Variants in SLC38A7 observed in about 807,000 individuals in gnomAD.
The protein encoded by SLC38A7 is solute carrier family 38 member 7, also known as sodium-coupled neutral amino acid transporter 7.
A neutral mutation model predicts 50.1 loss-of-function variants in SLC38A7; 29 were observed. The ratio of observed to expected loss-of-function variants is 0.58; its 90% CI spans 0.43 to 0.79. SLC38A7 has a LOEUF of 0.79. Ranked by LOEUF, SLC38A7 falls within the 30% of genes least tolerant of loss-of-function variation. The pLI is 0.00. For missense variants in SLC38A7, 483 were observed against 610.6 expected (o/e 0.79, Z 2.20); for synonymous variants, 244 against 245.9 (o/e 0.99, Z 0.07).
chr16:58,676,421 C>T lies in SLC38A7; in HGVS notation c.711-75G>A, dbSNP rs533945736. 72 of 1,521,582 alleles carry T rather than the reference C, an allele frequency of 4.7e-5. No homozygotes were observed. In the Middle Eastern group the frequency reaches 5.2e-4, roughly 11 times the overall value. 94.3% of individuals were successfully genotyped at this position (1,521,582 alleles called of 1,614,324 possible). ...CAACCCACCCCACGCCCTCACTCTT[C>T]GGTCAGCCCACCATGGTCTCCAGCA... On this transcript the variant is annotated intron_variant, in intron 6 of 11. Transcript: ENST00000219320.
chr16:58,677,704 C>G, intron 5 of SLC38A7: 1 of 426,872 alleles, frequency 2.3e-6, no homozygotes, highest in South Asian at 2.6e-5. Context: ...GAGAGCAGAG[C>G]TCCAAAGCAC....
At chr16:58,677,053 C>T (rs186435114) in intron 6 of SLC38A7, among the ~76,000 whole-genome samples, 53 of 152,178 alleles carry the variant, frequency 3.5e-4, no homozygotes, top group African/African-American at 1.2e-3. Flanking sequence ...GGGATTCCAC[C>T]CTCAGGTTCC....
In SLC38A7 at chr16:58,669,772, C is replaced by G. The variant is rs372818423; in HGVS notation, c.1286+341G>C. On this transcript the variant is annotated intron_variant, in intron 11 of 11. Transcript: ENST00000219320. ...GGAGGATCACCTAAGGTCAGGAGTTCGAGACCGGCCTGGCCAACATGGTGA... is the reference window on the plus strand; with the variant it reads ...GGAGGATCACCTAAGGTCAGGAGTTGGAGACCGGCCTGGCCAACATGGTGA... Among the ~76,000 whole-genome samples the G allele has an allele frequency of 2.0e-5, 3 of 151,626 alleles. No individual in the cohort carries two copies. The South Asian group carries it at 6.2e-4, about 32-fold the overall frequency.
rs34081609 is a variant in SLC38A7, at chr16:58,673,083, A to ATTTTTTTTT, written c.884-849_884-841dup. Among the ~76,000 whole-genome samples, 23 of 60,390 alleles carry ATTTTTTTTT rather than the reference A, an allele frequency of 3.8e-4. 3 individuals are homozygous for ATTTTTTTTT. The highest frequency in any genetic ancestry group is 1.9e-3 in the African/African-American group (20 of 10,734). The allele number at this position is 60,390 out of a possible 152,430, so 39.6% of individuals were successfully genotyped here. On this transcript the variant is annotated intron_variant, in intron 8 of 11. Coordinates refer to ENST00000219320, the MANE Select transcript of SLC38A7 (RefSeq NM_018231.3). ...GCTGGGATTACACCATGCCCGGCTA[A>ATTTTTTTTT]TTTTTTTTTTTTTTTTTTTTTTTTT...
chr16:58,671,293 C>A (rs1426177566), intron 9 of SLC38A7, 49 bp from the exon 10 acceptor site: 1 of 1,576,224 alleles, frequency 6.3e-7, no homozygotes, highest in South Asian at 1.1e-5. Context: ...CTAGCAGCTC[C>A]CCACCTCTAG....
chr16:58,677,559 C>A, intron 5 of SLC38A7, 135 bp from the exon 6 acceptor site: 1 of 716,910 alleles, frequency 1.4e-6, no homozygotes, highest in South Asian at 1.7e-5. Context: ...CAAGCAGACT[C>A]AGGAAACGCC....
In SLC38A7 at chr16:58,679,854, C is replaced by T; in HGVS notation, c.270+3G>A. 1 of 1,613,700 alleles carries T rather than the reference C, an allele frequency of 6.2e-7. No homozygotes were observed. The highest frequency in any genetic ancestry group is 8.5e-7 in the Non-Finnish European group (1 of 1,180,018). ...CCTCTGCCCTCCCGGCCAGTGCACT[C>T]ACCATCTGCAGTGCGATGCCTGCTG... On this transcript the variant is annotated splice_donor_region_variant and intron_variant, in intron 3 of 11. Coordinates refer to ENST00000219320, the MANE Select transcript of SLC38A7 (RefSeq NM_018231.3).
At chr16:58,670,004 G>T in intron 11 of SLC38A7, 109 bp downstream of exon 11, 9 of 927,386 alleles carry the variant, frequency 9.7e-6, no homozygotes, top group Non-Finnish European at 1.3e-5. Flanking sequence ...AAAAACCCAT[G>T]ATTTCTAAGT....
At chr16:58,674,991 G>T (rs1405856508) in intron 8 of SLC38A7, among the ~76,000 whole-genome samples, 1 of 152,140 alleles carries the variant, frequency 6.6e-6, no homozygotes, top group Non-Finnish European at 1.5e-5. Flanking sequence ...GCCAGTGCCT[G>T]TCTGGCCTCA....
At chr16:58,671,395 A>C in intron 9 of SLC38A7, 151 bp from the exon 10 acceptor site, 3 of 709,842 alleles carry the variant, frequency 4.2e-6, no homozygotes, top group Non-Finnish European at 7.0e-6. Flanking sequence ...GGCCACCAGC[A>C]CTCTGTTTAC....
chr16:58,676,445 C>T, intron 6 of SLC38A7, 99 bp from the exon 7 acceptor site: 1 of 1,267,458 alleles, frequency 7.9e-7, no homozygotes, highest in Non-Finnish European at 1.1e-6. Flanking sequence ...TGGTCTCCAG[C>T]AACTGGGATT....
chr16:58,676,385 C>A, intron 6 of SLC38A7, 39 bp from the exon 7 acceptor site: 2 of 1,613,018 alleles, frequency 1.2e-6, no homozygotes, highest in East Asian at 2.2e-5. Context: ...CCTGGGAACC[C>A]CTCAGAGCCA....
intron 8 of SLC38A7, among the ~76,000 whole-genome samples, 175 bp downstream of exon 8, chr16:58,675,765 A>C (rs1156974661): frequency 6.6e-6 from 1 of 152,112 alleles, no homozygotes; most frequent in Non-Finnish European, 1.5e-5. Flanking sequence ...GGATGAATAC[A>C]CCACTCTCAT....
intron 3 of SLC38A7, 117 bp downstream of exon 3, chr16:58,679,740 G>A (rs1445798961): frequency 7.4e-7 from 1 of 1,348,484 alleles, no homozygotes. Flanking sequence ...TGCCATGTGT[G>A]AGGGAGGGGA....
chr16:58,665,752 T>G lies in SLC38A7; in HGVS notation c.*1633A>C, dbSNP rs1597658501. On this transcript the variant is annotated 3_prime_UTR_variant, in exon 12 of 12. Coordinates refer to ENST00000219320, the MANE Select transcript of SLC38A7 (RefSeq NM_018231.3). ...AACGGGAATATAGTGGGGAGTAGGGTGGGAGGTGGGGAGATAGCCTATCTC... is the reference window on the plus strand; with the variant it reads ...AACGGGAATATAGTGGGGAGTAGGGGGGGAGGTGGGGAGATAGCCTATCTC... 6.6e-6 allele frequency: 1 copy of G among 151,578 alleles called. No homozygotes were observed. The highest frequency in any genetic ancestry group is 1.5e-5 in the Non-Finnish European group (1 of 67,932). 9.4% of individuals were successfully genotyped at this position (151,578 alleles called of 1,614,324 possible). A position where few individuals can be genotyped will look rare whatever the true frequency, so the allele number is the denominator to read the frequency against.
At chr16:58,683,065 G>A (rs539209145) in intron 2 of SLC38A7, among the ~76,000 whole-genome samples, 2 of 151,696 alleles carry the variant, frequency 1.3e-5, no homozygotes, top group East Asian at 3.9e-4. Context: ...CTGTAGAGAT[G>A]AGGAGGTCTC....
At chr16:58,670,583 G>A (rs1022965854) in intron 10 of SLC38A7, among the ~76,000 whole-genome samples, 1 of 152,218 alleles carries the variant, frequency 6.6e-6, no homozygotes, top group Non-Finnish European at 1.5e-5. Context: ...AGTTCTCCAG[G>A]GATCTGGCGG....
chr16:58,672,296 A>C, intron 8 of SLC38A7, 53 bp from the exon 9 acceptor site: 1 of 1,532,326 alleles, frequency 6.5e-7, no homozygotes, highest in Non-Finnish European at 8.8e-7. Context: ...AGTGGGGTGG[A>C]CTGTCCACTC....
Position 58,675,998 on chromosome 16 carries a change from G to C in SLC38A7, c.825C>G (p.Thr275=), listed in dbSNP as rs771771330. The change falls in exon 8 of 12, where the codon ACC becomes ACG. Residue 275 remains threonine (T), a synonymous_variant. Coordinates refer to ENST00000219320, the MANE Select transcript of SLC38A7 (RefSeq NM_018231.3). ...FNSMQQPEVK[T]WGGVVTAAMV... is the part of the protein sequence containing the mutation. ...TGGCAGCTGTCACCACTCCACCCCAGGTCTTCACTTCAGGCTGCTGCATGC... is the reference window on the plus strand; with the variant it reads ...TGGCAGCTGTCACCACTCCACCCCACGTCTTCACTTCAGGCTGCTGCATGC... The C allele has an allele frequency of 6.2e-7, 1 of 1,613,856 alleles. No homozygotes were observed. The highest frequency in any genetic ancestry group is 8.5e-7 in the Non-Finnish European group (1 of 1,179,922).
Sources: allele counts gnomAD v4.1 joint callset (sites outside exome capture counted in the v4.1 genomes callset), GRCh38; gene constraint gnomAD v4.1.1; transcripts MANE v1.5; gene names NCBI Gene and HGNC (gene_info 2026-07-23, HGNC 2026-07-21).